Variants in BAZ1B observed in about 807,000 individuals in gnomAD.
The protein encoded by BAZ1B is tyrosine-protein kinase BAZ1B.
In BAZ1B, 22 loss-of-function variants were observed where a neutral mutation model predicts 153.8. The ratio of observed to expected loss-of-function variants is 0.14; its 90% CI spans 0.10 to 0.20. The LOEUF is 0.20. BAZ1B is among the 10% of genes least tolerant of loss of function. The probability of loss-of-function intolerance (pLI) is 1.00; values close to 1 mark genes in which losing one functional copy is unlikely to be tolerated. For synonymous variants in BAZ1B, 676 were observed against 633.4 expected, an observed-to-expected ratio of 1.07 and a Z score of -1.01; for missense variants, 1,325 against 1,799.3, an observed-to-expected ratio of 0.74 and a Z score of 4.77.
rs1554571159 is a variant in BAZ1B at position 73,466,357 on chromosome 7, G to T, written c.2911C>A (p.His971Asn). The change falls in exon 10 of 20, where the codon CAT (histidine) becomes AAT (asparagine). Residue 971 changes from histidine (H) to asparagine (N), a missense_variant. His to Asn is a moderately conservative substitution (Grantham distance 68, BLOSUM62 1). Around this residue, in one of 9 missense-constraint regions of BAZ1B, gnomAD observed 431 missense variants for 563.5 expected, o/e 0.76. Transcript: ENST00000339594. ...ACAGCAACTTCTGTTGCTGTTCCAT[G>T]TTGTGTGTTCATGCTTGCATTTTTA... ...LGKNASMNTQ[H>N]GTATEVAVET... is the part of the protein sequence containing the mutation. 1 of 1,613,840 alleles carries T rather than the reference G, an allele frequency of 6.2e-7. No homozygotes were observed. Among genetic ancestry groups the T allele is most frequent in the African/African-American group, 1.3e-5 (1 of 74,920 alleles).
chr7:73,485,418 C>G (rs1789365153), intron 6 of BAZ1B, among the ~76,000 whole-genome samples: 1 of 151,796 alleles, frequency 6.6e-6, no homozygotes, highest in African/African-American at 2.4e-5. Flanking sequence ...ACCAGGAGCT[C>G]AAGACCAGCA....
intron 1 of BAZ1B, 34 bp from the exon 2 acceptor site, chr7:73,510,886 G>C (rs1360149070): frequency 1.3e-6 from 2 of 1,571,514 alleles, no homozygotes; most frequent in East Asian, 4.5e-5. Flanking sequence ...CAATATGCAA[G>C]CAACAGAGAC....
intron 1 of BAZ1B, among the ~76,000 whole-genome samples, chr7:73,521,498 C>T (rs1245415262): frequency 1.3e-5 from 2 of 152,206 alleles, no homozygotes; most frequent in African/African-American, 4.8e-5. Context: ...TCCTCCCTCT[C>T]GGGTCCTCAA....
At chr7:73,447,079 AG>A (rs1333224392) in intron 16 of BAZ1B, among the ~76,000 whole-genome samples, 184 bp downstream of exon 16, 1 of 152,222 alleles carries the variant, frequency 6.6e-6, no homozygotes. Context: ...CCCACCAGGC[AG>A]GAAGTTAAAC....
At position 73,465,481 on chromosome 7, in the gene BAZ1B, T is replaced by C. The variant is rs1374484078; in HGVS notation, c.3029A>G (p.Gln1010Arg). The C allele has an allele frequency of 1.1e-5, 17 of 1,610,840 alleles. No individual in the cohort carries two copies. The highest frequency in any genetic ancestry group is 1.3e-5 in the Non-Finnish European group (15 of 1,178,672). ...LDELLNCLHP[Q>R]GIRESQLKER... ...TTTAAGTTGACTTTCTCTTATTCCC[T>C]GAGGGTGAAGACAGTTTAGCAACTC... Residue 1010 changes from glutamine (Q) to arginine (R), a missense_variant, in exon 11 of 20, where the codon CAG (glutamine) becomes CGG (arginine). Coordinates refer to ENST00000339594, the MANE Select transcript of BAZ1B (RefSeq NM_032408.4).
At chr7:73,496,375 A>G (rs1789894416) in intron 4 of BAZ1B, among the ~76,000 whole-genome samples, 1 of 152,238 alleles carries the variant, frequency 6.6e-6, no homozygotes. Context: ...GCTTCGAACT[A>G]CATTAAGAAA....
intron 1 of BAZ1B, among the ~76,000 whole-genome samples, chr7:73,519,357 T>C (rs1790937959): frequency 6.6e-6 from 1 of 152,216 alleles, no homozygotes; most frequent in African/African-American, 2.4e-5. Flanking sequence ...TTCTCCTCTA[T>C]GAAACCACTA....
chr7:73,472,968 A>AGTCTCGC (rs1788868024), intron 7 of BAZ1B, among the ~76,000 whole-genome samples: 1 of 150,386 alleles, frequency 6.6e-6, no homozygotes, highest in African/African-American at 2.5e-5. Flanking sequence ...AAAAGACAAG[A>AGTCTCGC]GTCTCGCTCT....
chr7:73,484,627 C>A (rs1332276508), intron 6 of BAZ1B, among the ~76,000 whole-genome samples: 1 of 152,012 alleles, frequency 6.6e-6, no homozygotes, highest in African/African-American at 2.4e-5. Context: ...CTGGGCAGAG[C>A]AAGAGCCTGT....
Position 73,522,263 on chromosome 7 carries a change from TC to T in BAZ1B, c.-331del, listed in dbSNP as rs1386188412. ...ATTGAAAAATGGCGGGAGATTCCCC[TC>T]CTCCCCCGGGCCCGGCCAACGCACA... is the stretch of plus-strand genomic sequence containing the variant. On this transcript the variant is annotated 5_prime_UTR_variant, in exon 1 of 20. Coordinates refer to ENST00000339594, the MANE Select transcript of BAZ1B (RefSeq NM_032408.4). The T allele has an allele frequency of 2.7e-6, 1 of 373,482 alleles. No individual in the cohort carries two copies. Among genetic ancestry groups the T allele is most frequent in the African/African-American group, 2.1e-5 (1 of 47,330 alleles). The allele number at this position is 373,482 out of a possible 1,614,324, so 23.1% of individuals were successfully genotyped here.
At chr7:73,452,495 G>A (rs534499122) in intron 13 of BAZ1B, among the ~76,000 whole-genome samples, 6 of 152,128 alleles carry the variant, frequency 3.9e-5, no homozygotes, top group East Asian at 3.9e-4. Context: ...AGGCCGAGGC[G>A]GGCGGATCAC....
intron 4 of BAZ1B, 144 bp downstream of exon 4, chr7:73,498,353 A>T: frequency 4.0e-6 from 3 of 756,102 alleles, no homozygotes; most frequent in Non-Finnish European, 6.5e-6. Context: ...TGGACATTTT[A>T]GTTGTTCTAT....
In BAZ1B at chr7:73,506,642, G is replaced by A. The variant is rs184820180; in HGVS notation, c.369+1685C>T. On this transcript the variant is annotated intron_variant, in intron 3 of 19. Transcript: ENST00000339594. ...TGAAGTAGGCATATCACCCGAGGTC[G>A]AGAGTTCAAGACCAGCCTGACCAAC... Among the ~76,000 whole-genome samples the A allele has an allele frequency of 8.6e-5, 13 of 151,258 alleles. No individual in the cohort carries two copies. The East Asian group carries it at 2.4e-3, about 28-fold the overall frequency.
At position 73,447,248 on chromosome 7, in the gene BAZ1B, C is replaced by G; in HGVS notation, c.3844+16G>C. The stretch of plus-strand genomic sequence containing the variant: ...AAGACTGTGAAATCAACTACAAAGG[C>G]AGACAAAATACTTACATCGCAAACC... On this transcript the variant is annotated intron_variant, in intron 16 of 19. Coordinates refer to ENST00000339594, the MANE Select transcript of BAZ1B (RefSeq NM_032408.4). The G allele has an allele frequency of 6.2e-7, 1 of 1,613,348 alleles. No individual in the cohort carries two copies. The highest frequency in any genetic ancestry group is 1.1e-5 in the South Asian group (1 of 91,058).
rs1474845592 is a variant in BAZ1B, at chr7:73,504,381, C to T, written c.369+3946G>A. On this transcript the variant is annotated intron_variant, in intron 3 of 19. Coordinates refer to ENST00000339594, the MANE Select transcript of BAZ1B (RefSeq NM_032408.4). ...ATAAAAAATAAAAAACTTAGCTAGG[C>T]GGCCAGGCGTGGTGGCTCACATCTG... 2.6e-5 allele frequency among the ~76,000 whole-genome samples: 4 copies of T among 152,014 alleles called. No homozygotes were observed. In the South Asian group the frequency reaches 6.2e-4, roughly 24 times the overall value.
chr7:73,489,179 T>C lies in BAZ1B; in HGVS notation c.891+15A>G, dbSNP rs1554574993. On this transcript the variant is annotated intron_variant, in intron 6 of 19. Coordinates refer to ENST00000339594, the MANE Select transcript of BAZ1B (RefSeq NM_032408.4). ...ATGCTTTATCCTGCTGTCCAAAAAT[T>C]AACAGTGACCTTACCTTGTATGGAT... The C allele has an allele frequency of 6.2e-7, 1 of 1,612,462 alleles. No homozygotes were observed. The highest frequency in any genetic ancestry group is 1.3e-5 in the African/African-American group (1 of 74,888).
intron 3 of BAZ1B, among the ~76,000 whole-genome samples, chr7:73,503,265 G>A (rs541759653): frequency 9.2e-5 from 14 of 152,210 alleles, no homozygotes; most frequent in Admixed American, 2.6e-4. Context: ...TTAATCTGAT[G>A]TGTATACATT....
chr7:73,510,985 T>C (rs1404030778), intron 1 of BAZ1B, 133 bp from the exon 2 acceptor site: 7 of 742,114 alleles, frequency 9.4e-6, no homozygotes, highest in South Asian at 7.1e-5. Flanking sequence ...AAAAATGGAA[T>C]TGGAGGCCGG....
chr7:73,442,900 GTGTATCTGCTC>G, intron 17 of BAZ1B, 72 bp from the exon 18 acceptor site: 1 of 1,124,492 alleles, frequency 8.9e-7, no homozygotes, highest in Non-Finnish European at 1.3e-6. Context: ...CAGAAAATAA[GTGTATCTGCTC>G]AAAAAAGGAA....
Sources: allele counts gnomAD v4.1 joint callset (sites outside exome capture counted in the v4.1 genomes callset), GRCh38; gene constraint gnomAD v4.1.1; regional missense constraint gnomAD v4.1.1; transcripts MANE v1.5; gene names NCBI Gene and HGNC (gene_info 2026-07-23, HGNC 2026-07-21).